Variants in ADAMTSL1 observed in about 807,000 individuals in gnomAD.
ADAMTSL1 encodes ADAMTS-like protein 1.
In ADAMTSL1, 126 loss-of-function variants were observed where a neutral mutation model predicts 201.8. The ratio of observed to expected loss-of-function variants is 0.62; its 90% CI spans 0.54 to 0.72. ADAMTSL1 has a LOEUF of 0.72. ADAMTSL1 is among the 30% of genes least tolerant of loss of function. ADAMTSL1 has a pLI of 0.00. For synonymous variants in ADAMTSL1, 1,121 were observed against 903.4 expected (o/e 1.24, Z -4.32); for missense variants, 2,679 against 2,277.8 (o/e 1.18, Z -3.59).
At chr9:18,089,211 A>G (rs1398236010) in intron 1 of ADAMTSL1, among the ~76,000 whole-genome samples, 1 of 152,128 alleles carries the variant, frequency 6.6e-6, no homozygotes, top group Non-Finnish European at 1.5e-5. Flanking sequence ...TGGTATCAGG[A>G]TGATGCTGGC....
intron 1 of ADAMTSL1, among the ~76,000 whole-genome samples, chr9:18,131,769 G>A (rs1825963399): frequency 6.6e-6 from 1 of 152,196 alleles, no homozygotes; most frequent in Non-Finnish European, 1.5e-5. Context: ...CAGTGAAATA[G>A]AAGGGCCAAT....
chr9:18,150,680 G>C (rs1826869011), intron 1 of ADAMTSL1, among the ~76,000 whole-genome samples: 2 of 151,906 alleles, frequency 1.3e-5, no homozygotes, highest in Non-Finnish European at 1.5e-5. Flanking sequence ...AAGAATCAAT[G>C]GGAGGGAAAG....
chr9:18,410,373 AC>A (rs1215390288), intron 2 of ADAMTSL1, among the ~76,000 whole-genome samples: 1 of 150,754 alleles, frequency 6.6e-6, no homozygotes, highest in Non-Finnish European at 1.5e-5. Context: ...ATGCTCTCCC[AC>A]CCCCCACAGC....
At chr9:17,979,197 G>C (rs1353349567) in intron 1 of ADAMTSL1, among the ~76,000 whole-genome samples, 1 of 151,978 alleles carries the variant, frequency 6.6e-6, no homozygotes, top group East Asian at 1.9e-4. Flanking sequence ...CATAAACCTG[G>C]ATGTCCATAT....
At chr9:17,977,373 A>G (rs1182110871) in intron 1 of ADAMTSL1, among the ~76,000 whole-genome samples, 2 of 152,098 alleles carry the variant, frequency 1.3e-5, no homozygotes, top group East Asian at 1.9e-4. Context: ...CTTCAAAAAG[A>G]TTTTGAGAAG....
intron 2 of ADAMTSL1, among the ~76,000 whole-genome samples, chr9:18,358,486 C>A (rs1024064935): frequency 6.6e-6 from 1 of 152,080 alleles, no homozygotes; most frequent in Non-Finnish European, 1.5e-5. Flanking sequence ...TTCCATTATT[C>A]CAAAGAGAAA....
intron 21 of ADAMTSL1, among the ~76,000 whole-genome samples, chr9:18,819,955 C>T (rs1824108926): frequency 1.3e-5 from 2 of 152,202 alleles, no homozygotes; most frequent in Non-Finnish European, 2.9e-5. Flanking sequence ...TACTTTGCTG[C>T]TATAAGCAGC....
intron 26 of ADAMTSL1, among the ~76,000 whole-genome samples, chr9:18,903,294 C>T (rs1830113947): frequency 6.6e-6 from 1 of 152,294 alleles, no homozygotes. Context: ...AAGTGCTATA[C>T]ATCAATGAAA....
chr9:18,546,482 A>G (rs144245689), intron 3 of ADAMTSL1, among the ~76,000 whole-genome samples: 75 of 152,214 alleles, frequency 4.9e-4, no homozygotes, highest in African/African-American at 1.7e-3. Context: ...AATATACTTT[A>G]TAGCTCTTTA....
intron 2 of ADAMTSL1, among the ~76,000 whole-genome samples, chr9:18,301,494 A>G (rs1833709243): frequency 6.6e-6 from 1 of 152,194 alleles, no homozygotes; most frequent in Admixed American, 6.5e-5. Context: ...ATGCCTAATA[A>G]CATTTAATTT....
At chr9:18,052,515 T>G (rs1821984039) in intron 1 of ADAMTSL1, among the ~76,000 whole-genome samples, 1 of 152,046 alleles carries the variant, frequency 6.6e-6, no homozygotes, top group Non-Finnish European at 1.5e-5. Context: ...ATTAAGAGAT[T>G]TGGGGCCAGA....
rs376466829 is a variant in ADAMTSL1 at position 18,503,421 on chromosome 9, G to GTGTGTATATATATATATATATATA, written c.64-1407_64-1406insGTGTATATATATATATATATATAT. 6.5e-4 allele frequency among the ~76,000 whole-genome samples: 75 copies of GTGTGTATATATATATATATATATA among 115,276 alleles called. 2 individuals are homozygous for GTGTGTATATATATATATATATATA. The East Asian group carries it at 0.014, about 21-fold the overall frequency. 75.6% of individuals were successfully genotyped at this position (115,276 alleles called of 152,430 possible). A position where few individuals can be genotyped will look rare whatever the true frequency, so the allele number is the denominator to read the frequency against. ...TTAAGGCTGAATAGTATTCCATTGT[G>GTGTGTATATATATATATATATATA]TATATATATATATATATATACCACA... On this transcript the variant is annotated intron_variant, in intron 1 of 28. Coordinates refer to ENST00000380548, the MANE Select transcript of ADAMTSL1 (RefSeq NM_001040272.6).
At chr9:18,311,376 A>G (rs1834150175) in intron 2 of ADAMTSL1, among the ~76,000 whole-genome samples, 1 of 152,108 alleles carries the variant, frequency 6.6e-6, no homozygotes, top group Non-Finnish European at 1.5e-5. Context: ...ATCCTTCAGA[A>G]TGATATCGTT....
intron 14 of ADAMTSL1, among the ~76,000 whole-genome samples, chr9:18,717,258 AAAAT>A (rs1833009158): frequency 7.2e-6 from 1 of 139,546 alleles, no homozygotes; most frequent in Non-Finnish European, 1.5e-5. Context: ...AATAATAAAT[AAAAT>A]AAAATAAAAT....
rs951129446 is a variant in ADAMTSL1 at position 18,843,460 on chromosome 9, G to C, written c.4249+13483G>C. 7.4e-4 allele frequency among the ~76,000 whole-genome samples: 111 copies of C among 150,640 alleles called. 2 individuals are homozygous for C. Among genetic ancestry groups the C allele is most frequent in the African/African-American group, 2.3e-3 (93 of 40,038 alleles). On this transcript the variant is annotated intron_variant, in intron 23 of 28. Transcript: ENST00000380548. ...TAACCCGACCTTTCTCTCTGGCTGC[G>C]TTTAACATTTTTTCCTTCATTTCAA...
chr9:18,080,921 C>A (rs540728867), intron 1 of ADAMTSL1, among the ~76,000 whole-genome samples: 3 of 152,052 alleles, frequency 2.0e-5, no homozygotes, highest in Non-Finnish European at 4.4e-5. Flanking sequence ...TATTTGTAAC[C>A]GTAATTCTAA....
In ADAMTSL1 at chr9:18,636,004, T is replaced by C. The variant is rs1444025066; in HGVS notation, c.663T>C (p.Gly221=). 1 of 1,597,190 alleles carries C rather than the reference T, an allele frequency of 6.3e-7. No individual in the cohort carries two copies. Residue 221 remains glycine, a synonymous_variant, in exon 6 of 29, where the codon GGT becomes GGC. Coordinates refer to ENST00000380548, the MANE Select transcript of ADAMTSL1 (RefSeq NM_001040272.6). ...GSRHIRLVLK[G]PDHLYLETKT... ...GACATATTCGCCTTGTCTTAAAAGG[T>C]CCTGATCACTTATGTAAGTAACTCC... is the stretch of plus-strand genomic sequence containing the variant.
At chr9:18,346,598 C>A (rs909489180) in intron 2 of ADAMTSL1, among the ~76,000 whole-genome samples, 14 of 152,122 alleles carry the variant, frequency 9.2e-5, no homozygotes. Context: ...CTGTTACTCC[C>A]CCAGGAGTAT....
chr9:18,550,919 A>G (rs1820764095), intron 3 of ADAMTSL1, among the ~76,000 whole-genome samples: 1 of 151,952 alleles, frequency 6.6e-6, no homozygotes, highest in Admixed American at 6.6e-5. Context: ...GAAACACAAG[A>G]TAAGTTTACA....
Sources: allele counts gnomAD v4.1 joint callset (sites outside exome capture counted in the v4.1 genomes callset), GRCh38; gene constraint gnomAD v4.1.1; transcripts MANE v1.5; gene names NCBI Gene and HGNC (gene_info 2026-07-23, HGNC 2026-07-21).